The following PLD5 variants were observed in gnomAD, a reference collection of about 807,000 sequenced individuals.
PLD5 encodes phospholipase D family member 5, also known as inactive phospholipase D5.
A neutral mutation model predicts 61.1 loss-of-function variants in PLD5; 36 were observed. The observed-to-expected ratio is 0.59, with a 90% CI of 0.45 to 0.78. The LOEUF (loss-of-function observed/expected upper bound fraction) is 0.78, where lower values mean the gene tolerates loss of function less well. Ranked by LOEUF, PLD5 falls within the 30% of genes least tolerant of loss-of-function variation. The pLI, the probability that PLD5 is intolerant of heterozygous loss-of-function variation, is 0.00. For synonymous variants in PLD5, 243 were observed against 242.8 expected (o/e 1.00, Z -0.01); for missense variants, 515 against 644.4 (o/e 0.80, Z 2.17).
In PLD5 at chr1:242,220,511, T is replaced by C. The variant is rs532272907; in HGVS notation, c.608-396A>G. On this transcript the variant is annotated intron_variant, in intron 4 of 9. Coordinates refer to ENST00000536534, the MANE Select transcript of PLD5 (RefSeq NM_001372062.1). ...TCTTTTCTGAGTAATTTTAATACAG[T>C]TTGCAATCAATATAAGGGTCAGTCT... 2.6e-5 allele frequency among the ~76,000 whole-genome samples: 4 copies of C among 152,110 alleles called. No individual in the cohort carries two copies. The South Asian group carries it at 8.3e-4, about 32-fold the overall frequency.
intron 2 of PLD5, among the ~76,000 whole-genome samples, chr1:242,326,707 T>C (rs576380010): frequency 6.6e-6 from 1 of 152,042 alleles, no homozygotes; most frequent in South Asian, 2.1e-4. Context: ...AGTTTTTTTG[T>C]GTGTGTGTTT....
At chr1:242,410,307 T>C (rs1416655935) in intron 1 of PLD5, among the ~76,000 whole-genome samples, 1 of 152,060 alleles carries the variant, frequency 6.6e-6, no homozygotes, top group Non-Finnish European at 1.5e-5. Flanking sequence ...TGTCCCAAAC[T>C]CAGCACTCAA....
chr1:242,458,008 A>G (rs573730151), intron 1 of PLD5, among the ~76,000 whole-genome samples: 1 of 152,182 alleles, frequency 6.6e-6, no homozygotes, highest in African/African-American at 2.4e-5. Flanking sequence ...TTAGGTATCG[A>G]CCTTTGTGCC....
intron 9 of PLD5, among the ~76,000 whole-genome samples, chr1:242,091,509 A>G (rs1659820801): frequency 6.6e-6 from 1 of 152,200 alleles, no homozygotes; most frequent in South Asian, 2.1e-4. Context: ...GATACCCCAA[A>G]GGATACAGTC....
At chr1:242,199,661 A>G (rs969583982) in intron 5 of PLD5, among the ~76,000 whole-genome samples, 1 of 151,946 alleles carries the variant, frequency 6.6e-6, no homozygotes, top group African/African-American at 2.4e-5. Context: ...ACAACTACCC[A>G]CTATCCACCT....
chr1:242,104,235 A>AGT (rs879328458), intron 8 of PLD5, among the ~76,000 whole-genome samples: 3,105 of 150,704 alleles, frequency 0.021, 31 homozygotes, highest in Non-Finnish European at 0.029. Flanking sequence ...TCTTGCCTCT[A>AGT]CCTCCTGAGT....
intron 9 of PLD5, among the ~76,000 whole-genome samples, chr1:242,098,033 G>A (rs1262637439): frequency 6.6e-6 from 1 of 152,092 alleles, no homozygotes; most frequent in South Asian, 2.1e-4. Context: ...TTTTTGTCAG[G>A]TTTGTCAAAG....
At chr1:242,314,813 T>A (rs1244960847) in intron 2 of PLD5, among the ~76,000 whole-genome samples, 1 of 152,072 alleles carries the variant, frequency 6.6e-6, no homozygotes, top group African/African-American at 2.4e-5. Flanking sequence ...TTAACTCTGA[T>A]CACAAGCTTT....
chr1:242,455,672 A>G (rs781386598), intron 1 of PLD5, among the ~76,000 whole-genome samples: 2 of 152,264 alleles, frequency 1.3e-5, no homozygotes, highest in African/African-American at 2.4e-5. Context: ...GAAGGCATCA[A>G]TCAGACATAG....
At chr1:242,378,780 G>GCC (rs1292005635) in intron 1 of PLD5, among the ~76,000 whole-genome samples, 5 of 152,076 alleles carry the variant, frequency 3.3e-5, no homozygotes, top group Non-Finnish European at 7.4e-5. Context: ...GGTGGAGGTT[G>GCC]CAGTGAGCAG....
intron 1 of PLD5, among the ~76,000 whole-genome samples, chr1:242,391,490 T>C (rs1298681954): frequency 6.6e-6 from 1 of 152,194 alleles, no homozygotes; most frequent in Non-Finnish European, 1.5e-5. Flanking sequence ...AGACAGAGAA[T>C]TTCCTTTAGT....
intron 1 of PLD5, among the ~76,000 whole-genome samples, chr1:242,516,126 T>C (rs1278583152): frequency 6.6e-6 from 1 of 151,988 alleles, no homozygotes; most frequent in Non-Finnish European, 1.5e-5. Flanking sequence ...TGTTCAAGTG[T>C]CTTCCTCACT....
chr1:242,118,522 G>C (rs917322186), intron 6 of PLD5, among the ~76,000 whole-genome samples: 3 of 152,220 alleles, frequency 2.0e-5, no homozygotes, highest in African/African-American at 7.2e-5. Flanking sequence ...CTGGCATCTT[G>C]TGCCATGCAC....
At chr1:242,120,220 A>G (rs1662258496) in intron 6 of PLD5, among the ~76,000 whole-genome samples, 1 of 150,904 alleles carries the variant, frequency 6.6e-6, no homozygotes, top group Non-Finnish European at 1.5e-5. Context: ...CTTTGTGGTG[A>G]AAAAAAGTTC....
chr1:242,482,502 T>C (rs1667813483), intron 1 of PLD5, among the ~76,000 whole-genome samples: 1 of 151,892 alleles, frequency 6.6e-6, no homozygotes, highest in South Asian at 2.1e-4. Flanking sequence ...AAGAGAAGTT[T>C]AGAGAAAAAA....
At chr1:242,171,445 T>A (rs1176276850) in intron 5 of PLD5, among the ~76,000 whole-genome samples, 1 of 152,106 alleles carries the variant, frequency 6.6e-6, no homozygotes, top group Admixed American at 6.5e-5. Context: ...ACATACCAAA[T>A]TGTAAAGACC....
At chr1:242,252,623 G>A (rs1032044375) in intron 4 of PLD5, among the ~76,000 whole-genome samples, 18 of 82,784 alleles carry the variant, frequency 2.2e-4, no homozygotes, top group African/African-American at 5.8e-4. Flanking sequence ...GGAGACGAGG[G>A]CTTCTGAAAG....
chr1:242,129,074 C>T (rs1663031429), intron 5 of PLD5, among the ~76,000 whole-genome samples: 1 of 152,154 alleles, frequency 6.6e-6, no homozygotes, highest in South Asian at 2.1e-4. Context: ...TACCCCAAGA[C>T]TCTCCTTATG....
At chr1:242,418,587 A>C (rs1395460493) in intron 1 of PLD5, among the ~76,000 whole-genome samples, 1 of 152,152 alleles carries the variant, frequency 6.6e-6, no homozygotes, top group Admixed American at 6.5e-5. Flanking sequence ...GGAGTCTTGG[A>C]AACTCCGCAA....
Sources: allele counts gnomAD v4.1 joint callset (sites outside exome capture counted in the v4.1 genomes callset), GRCh38; gene constraint gnomAD v4.1.1; transcripts MANE v1.5; gene names NCBI Gene and HGNC (gene_info 2026-07-23, HGNC 2026-07-21).